The following L3MBTL4 variants were observed in gnomAD, a reference collection of about 807,000 sequenced individuals.
L3MBTL4 encodes lethal(3)malignant brain tumor-like protein 4.
L3MBTL4 carries 70 observed loss-of-function variants against 84.5 expected under a neutral mutation model. The observed-to-expected ratio is 0.83, with a 90% confidence interval of 0.68 to 1.01. The LOEUF is 1.01. L3MBTL4 is among the 50% of genes least tolerant of loss of function. The pLI is 0.00. For missense variants in L3MBTL4, 715 were observed against 754.8 expected (o/e 0.95, Z 0.62); for synonymous variants, 274 against 259.8 (o/e 1.05, Z -0.52).
intron 1 of L3MBTL4, among the ~76,000 whole-genome samples, chr18:6,358,750 A>G (rs2053553325): frequency 6.6e-6 from 1 of 152,214 alleles, no homozygotes; most frequent in South Asian, 2.1e-4. Context: ...AACACACAGG[A>G]GACTGCCCCT....
intron 5 of L3MBTL4, 70 bp from the exon 6 acceptor site, chr18:6,244,658 T>A: frequency 9.3e-7 from 1 of 1,069,660 alleles, no homozygotes; most frequent in Non-Finnish European, 1.4e-6. Flanking sequence ...ATATTTGGTG[T>A]CACCTCTAGG....
chr18:6,397,413 T>TA (rs2055319118), intron 1 of L3MBTL4: 1 of 152,190 alleles, frequency 6.6e-6, no homozygotes, highest in Non-Finnish European at 1.5e-5. Flanking sequence ...AGTTCTTATT[T>TA]AAAAAATCAA....
chr18:6,376,689 G>A (rs890168207), intron 1 of L3MBTL4, among the ~76,000 whole-genome samples: 7 of 152,170 alleles, frequency 4.6e-5, no homozygotes, highest in African/African-American at 1.7e-4. Flanking sequence ...AGTGAGCCTT[G>A]ATGGCATCAC....
chr18:6,176,996 C>T (rs1201267141), intron 12 of L3MBTL4, among the ~76,000 whole-genome samples: 1 of 152,194 alleles, frequency 6.6e-6, no homozygotes, highest in Non-Finnish European at 1.5e-5. Flanking sequence ...TCAGTTACTG[C>T]CGAGGCTGTG....
At chr18:6,056,480 T>C (rs1218254938) in intron 16 of L3MBTL4, among the ~76,000 whole-genome samples, 1 of 152,186 alleles carries the variant, frequency 6.6e-6, no homozygotes, top group Non-Finnish European at 1.5e-5. Context: ...AATGAATTTA[T>C]GGAGAAATGT....
At chr18:6,412,230 G>A (rs945605088) in intron 1 of L3MBTL4, among the ~76,000 whole-genome samples, 3 of 151,978 alleles carry the variant, frequency 2.0e-5, no homozygotes, top group Admixed American at 6.6e-5. Flanking sequence ...AAGTGAGAAC[G>A]TGCAGTCTTT....
chr18:6,003,839 TA>T (rs910335545), intron 16 of L3MBTL4, among the ~76,000 whole-genome samples: 4 of 152,086 alleles, frequency 2.6e-5, no homozygotes, highest in African/African-American at 7.2e-5. Context: ...CAAATTTACA[TA>T]AAAACACCTC....
chr18:6,122,699 A>G (rs2059569666), intron 14 of L3MBTL4, among the ~76,000 whole-genome samples: 1 of 152,232 alleles, frequency 6.6e-6, no homozygotes, highest in South Asian at 2.1e-4. Context: ...ACTAATACAC[A>G]ACCTTACCCT....
intron 13 of L3MBTL4, among the ~76,000 whole-genome samples, chr18:6,140,971 G>A (rs2060178890): frequency 6.6e-6 from 1 of 151,514 alleles, no homozygotes; most frequent in South Asian, 2.1e-4. Context: ...TAATTACACT[G>A]TAACACAAAT....
intron 16 of L3MBTL4, among the ~76,000 whole-genome samples, chr18:6,079,193 T>G (rs1482966086): frequency 1.3e-5 from 2 of 152,122 alleles, no homozygotes; most frequent in African/African-American, 4.8e-5. Context: ...AGAGCCACTT[T>G]GATTGACAAA....
intron 17 of L3MBTL4, among the ~76,000 whole-genome samples, chr18:5,962,039 G>A (rs2095266110): frequency 6.6e-6 from 1 of 152,168 alleles, no homozygotes; most frequent in Admixed American, 6.5e-5. Flanking sequence ...GCTGGCTGCT[G>A]GAAGAGCTGC....
At chr18:6,095,386 C>T (rs1427506546) in intron 14 of L3MBTL4, among the ~76,000 whole-genome samples, 27 of 143,624 alleles carry the variant, frequency 1.9e-4, no homozygotes, top group Admixed American at 1.8e-3. Flanking sequence ...CTCGCTCCGT[C>T]GCCCAGGCTG....
chr18:6,347,803 G>A (rs974629582), intron 1 of L3MBTL4, among the ~76,000 whole-genome samples: 1 of 151,754 alleles, frequency 6.6e-6, no homozygotes, highest in Non-Finnish European at 1.5e-5. Flanking sequence ...TACACTAGAT[G>A]TCCTAACTAG....
intron 14 of L3MBTL4, among the ~76,000 whole-genome samples, chr18:6,100,323 A>G (rs942036039): frequency 6.6e-6 from 1 of 152,086 alleles, no homozygotes; most frequent in Non-Finnish European, 1.5e-5. Flanking sequence ...TGGTTATTGT[A>G]TTTTTCAATT....
intron 1 of L3MBTL4, among the ~76,000 whole-genome samples, chr18:6,335,337 C>T (rs574863536): frequency 2.6e-5 from 4 of 152,224 alleles, no homozygotes; most frequent in Admixed American, 6.5e-5. Context: ...GTGATCCACC[C>T]GCCTCAGCCT....
At chr18:6,066,971 GC>G (rs1276414471) in intron 16 of L3MBTL4, among the ~76,000 whole-genome samples, 1 of 148,850 alleles carries the variant, frequency 6.7e-6, no homozygotes, top group Non-Finnish European at 1.5e-5. Context: ...TGAGATTTGT[GC>G]TTTAAGGAAG....
chr18:6,142,886 C>CAA (rs201984095), intron 13 of L3MBTL4, among the ~76,000 whole-genome samples: 1 of 148,256 alleles, frequency 6.7e-6, no homozygotes, highest in African/African-American at 2.5e-5. Flanking sequence ...GACTGTATCT[C>CAA]AAAAAAAAAA....
intron 1 of L3MBTL4, among the ~76,000 whole-genome samples, chr18:6,335,724 G>C (rs1454461070): frequency 1.3e-5 from 2 of 152,128 alleles, no homozygotes; most frequent in African/African-American, 4.8e-5. Context: ...ATTCTCACAA[G>C]ATCTGATGGT....
intron 1 of L3MBTL4, among the ~76,000 whole-genome samples, chr18:6,351,371 A>G (rs1253849961): frequency 1.3e-5 from 2 of 151,972 alleles, no homozygotes; most frequent in Non-Finnish European, 2.9e-5. Context: ...GGAGAAGGCA[A>G]TGGGGATTGA....
Sources: gnomAD v4.1 joint callset for allele counts (sites outside exome capture counted in the v4.1 genomes callset) on GRCh38, gnomAD v4.1.1 for gene constraint, MANE v1.5 for transcripts, NCBI Gene and HGNC (gene_info 2026-07-23, HGNC 2026-07-21) for gene names.